The following KCNMA1 variants were observed in gnomAD, a reference collection of about 807,000 sequenced individuals.
KCNMA1 encodes Calcium-activated potassium channel subunit alpha-1.
KCNMA1 carries 29 observed loss-of-function variants against 140.0 expected under a neutral mutation model. The ratio of observed to expected loss-of-function variants is 0.21; its 90% CI spans 0.15 to 0.28. KCNMA1 has a LOEUF of 0.28. KCNMA1 is among the 10% of genes least tolerant of loss of function. The probability of loss-of-function intolerance (pLI) is 1.00; values close to 1 mark genes in which losing one functional copy is unlikely to be tolerated. For synonymous variants in KCNMA1, 612 were observed against 611.9 expected (o/e 1.00, Z 0.00); for missense variants, 880 against 1,602.2 (o/e 0.55, Z 7.70).
At chr10:77,630,956 C>A (rs2395500) in intron 1 of KCNMA1, among the ~76,000 whole-genome samples, 86,522 of 151,126 alleles carry the variant, frequency 0.57, 26,501 homozygotes, top group African/African-American at 0.78. Context: ...AAATTTAAAA[C>A]CTAGCCAGGT....
chr10:77,548,747 C>T (rs2062024250), intron 1 of KCNMA1, among the ~76,000 whole-genome samples: 1 of 152,200 alleles, frequency 6.6e-6, no homozygotes, highest in Non-Finnish European at 1.5e-5. Context: ...CTGGGACTCA[C>T]TTTCTTCTTC....
intron 2 of KCNMA1, among the ~76,000 whole-genome samples, chr10:77,382,648 T>C (rs1190238922): frequency 6.6e-6 from 1 of 151,944 alleles, no homozygotes; most frequent in Non-Finnish European, 1.5e-5. Context: ...GTGGATCACC[T>C]GAGGTCAGGA....
At chr10:77,162,698 T>C (rs67889634) in intron 5 of KCNMA1, among the ~76,000 whole-genome samples, 17,583 of 152,196 alleles carry the variant, frequency 0.12, 1,119 homozygotes, top group Middle Eastern at 0.17. Context: ...GAGACAGAAC[T>C]AGCAGAAAGT....
chr10:77,340,872 C>T (rs61867271), intron 2 of KCNMA1, among the ~76,000 whole-genome samples: 1 of 138,836 alleles, frequency 7.2e-6, no homozygotes, highest in Non-Finnish European at 1.6e-5. Flanking sequence ...TTAAAAAATG[C>T]CAAAAAAAAA....
At chr10:77,230,959 T>G (rs1404235662) in intron 3 of KCNMA1, among the ~76,000 whole-genome samples, 2 of 152,198 alleles carry the variant, frequency 1.3e-5, no homozygotes, top group East Asian at 3.9e-4. Flanking sequence ...TGATTACTTC[T>G]TTAATTTCCA....
rs1491246998 is a variant in KCNMA1, at chr10:76,887,161, A to AG, written c.*104dup. ...CATATGCAAATATGTGTAAAAAAAA[A>AG]GGGGGGGACTACAGGGGAAAACAGG... On this transcript the variant is annotated 3_prime_UTR_variant, in exon 28 of 28. Coordinates refer to ENST00000286628, the MANE Select transcript of KCNMA1 (RefSeq NM_001161352.2). 2.6e-5 allele frequency: 42 copies of AG among 1,608,902 alleles called. No homozygotes were observed. The highest frequency in any genetic ancestry group is 3.2e-5 in the Non-Finnish European group (38 of 1,178,638).
chr10:77,444,094 G>C (rs1267179847), intron 1 of KCNMA1, among the ~76,000 whole-genome samples: 1 of 152,114 alleles, frequency 6.6e-6, no homozygotes, highest in East Asian at 1.9e-4. Context: ...ATATGAAATA[G>C]AGATTACAAA....
intron 1 of KCNMA1, among the ~76,000 whole-genome samples, chr10:77,526,159 T>C (rs990521431): frequency 5.3e-5 from 8 of 152,068 alleles, no homozygotes; most frequent in African/African-American, 1.7e-4. Context: ...CTAAGGACAG[T>C]AGGGTGAAGA....
At chr10:77,130,168 T>C (rs1314482154) in intron 5 of KCNMA1, among the ~76,000 whole-genome samples, 1 of 152,174 alleles carries the variant, frequency 6.6e-6, no homozygotes, top group Non-Finnish European at 1.5e-5. Flanking sequence ...AACTTAATGA[T>C]TTTCTGACTT....
intron 25 of KCNMA1, among the ~76,000 whole-genome samples, chr10:76,897,761 A>T (rs2043206287): frequency 6.6e-6 from 1 of 152,052 alleles, no homozygotes; most frequent in Non-Finnish European, 1.5e-5. Context: ...TTATTAAAAA[A>T]ATGACAAAAC....
At chr10:76,979,965 A>G (rs141020221) in intron 19 of KCNMA1, 2 of 152,366 alleles carry the variant, frequency 1.3e-5, no homozygotes, top group South Asian at 2.1e-4. Flanking sequence ...AGCATTTAGT[A>G]TATTTCTTAA....
intron 2 of KCNMA1, among the ~76,000 whole-genome samples, chr10:77,333,528 C>T (rs1334871813): frequency 6.6e-6 from 1 of 152,170 alleles, no homozygotes; most frequent in East Asian, 1.9e-4. Flanking sequence ...GAGTCGCATG[C>T]TTATAATTCA....
intron 2 of KCNMA1, among the ~76,000 whole-genome samples, chr10:77,277,186 G>T (rs1029764407): frequency 1.3e-5 from 2 of 152,110 alleles, no homozygotes; most frequent in African/African-American, 4.8e-5. Context: ...GAGAAGAAGG[G>T]GTGAGGAGCC....
intron 2 of KCNMA1, among the ~76,000 whole-genome samples, chr10:77,345,471 G>A (rs1180743194): frequency 6.6e-6 from 1 of 152,170 alleles, no homozygotes; most frequent in East Asian, 1.9e-4. Flanking sequence ...GAGTCTAGAA[G>A]ACCCTGGCCT....
chr10:76,935,944 A>C (rs1312013337), intron 23 of KCNMA1, among the ~76,000 whole-genome samples: 1 of 152,238 alleles, frequency 6.6e-6, no homozygotes, highest in Non-Finnish European at 1.5e-5. Flanking sequence ...GAGTTCAAAA[A>C]GTAGTCCAAG....
chr10:77,236,493 CT>C (rs1435642334), intron 3 of KCNMA1, among the ~76,000 whole-genome samples: 2 of 152,176 alleles, frequency 1.3e-5, no homozygotes, highest in Non-Finnish European at 2.9e-5. Context: ...CATCCAAATT[CT>C]ACCCATGCCT....
intron 14 of KCNMA1, among the ~76,000 whole-genome samples, chr10:77,072,541 C>T (rs548482775): frequency 2.0e-5 from 3 of 152,258 alleles, no homozygotes; most frequent in South Asian, 4.2e-4. Flanking sequence ...GCCTGTCTCT[C>T]GGTGCAAAGG....
chr10:77,116,702 T>A (rs932589577), intron 6 of KCNMA1, among the ~76,000 whole-genome samples: 1 of 152,082 alleles, frequency 6.6e-6, no homozygotes, highest in South Asian at 2.1e-4. Flanking sequence ...TCTAGATCCC[T>A]TCTTCTTTCT....
At chr10:77,256,953 A>G (rs1188011686) in intron 2 of KCNMA1, among the ~76,000 whole-genome samples, 1 of 152,078 alleles carries the variant, frequency 6.6e-6, no homozygotes, top group Non-Finnish European at 1.5e-5. Flanking sequence ...AAAAAACTTT[A>G]AAAAAATTAT....
Sources: gnomAD v4.1 joint callset for allele counts (sites outside exome capture counted in the v4.1 genomes callset) on GRCh38, gnomAD v4.1.1 for gene constraint, MANE v1.5 for transcripts, NCBI Gene and HGNC (gene_info 2026-07-23, HGNC 2026-07-21) for gene names.